APBA1: variants seen among roughly 807,000 people sequenced by gnomAD.
The protein encoded by APBA1 is amyloid-beta A4 precursor protein-binding family A member 1.
Under a neutral mutation model 86.6 loss-of-function variants are expected in APBA1, and 55 were observed. That is an observed-to-expected ratio of 0.64 (90% CI 0.51 to 0.80). The LOEUF (loss-of-function observed/expected upper bound fraction) is 0.80. Ranked by LOEUF, APBA1 falls within the 30% of genes least tolerant of loss-of-function variation. The pLI is 0.00. For synonymous variants in APBA1, 511 were observed against 493.9 expected, an observed-to-expected ratio of 1.03 and a Z score of -0.46; for missense variants, 1,090 against 1,183.0, an observed-to-expected ratio of 0.92 and a Z score of 1.15.
At chr9:69,451,790 C>G (rs1835014271) in intron 9 of APBA1, among the ~76,000 whole-genome samples, 1 of 152,176 alleles carries the variant, frequency 6.6e-6, no homozygotes. Context: ...CTGGCACCAT[C>G]ATTTAACTTT....
At chr9:69,542,789 A>T (rs183083500) in intron 1 of APBA1, among the ~76,000 whole-genome samples, 74 of 152,336 alleles carry the variant, frequency 4.9e-4, no homozygotes, top group African/African-American at 1.5e-3. Flanking sequence ...TGGGTGATAA[A>T]TGGTCACTGT....
At chr9:69,545,168 C>T (rs1836678225) in intron 1 of APBA1, among the ~76,000 whole-genome samples, 3 of 152,170 alleles carry the variant, frequency 2.0e-5, no homozygotes, top group African/African-American at 7.2e-5. Flanking sequence ...AACAAAACTA[C>T]CTTAGGAGTT....
At chr9:69,656,896 A>T (rs1230116865) in intron 1 of APBA1, among the ~76,000 whole-genome samples, 1 of 139,884 alleles carries the variant, frequency 7.1e-6, no homozygotes. Flanking sequence ...CGGACTGCGG[A>T]CTGCAGTGGC....
chr9:69,567,735 G>A (rs186653761), intron 1 of APBA1, among the ~76,000 whole-genome samples: 76 of 152,280 alleles, frequency 5.0e-4, no homozygotes, highest in African/African-American at 1.7e-3. Flanking sequence ...GTTTCCAGCA[G>A]AGCTCAGGCC....
chr9:69,474,713 G>T (rs1277608827), intron 3 of APBA1, among the ~76,000 whole-genome samples: 5 of 152,118 alleles, frequency 3.3e-5, no homozygotes, highest in African/African-American at 9.6e-5. Context: ...TTCTAATGTT[G>T]GTGTCATTTC....
At chr9:69,588,203 T>G (rs926652522) in intron 1 of APBA1, among the ~76,000 whole-genome samples, 3 of 151,944 alleles carry the variant, frequency 2.0e-5, no homozygotes, top group Non-Finnish European at 4.4e-5. Flanking sequence ...TCCCATTAGA[T>G]GAAATATCTA....
intron 1 of APBA1, among the ~76,000 whole-genome samples, chr9:69,599,158 C>T (rs10867828): frequency 0.55 from 83,559 of 152,054 alleles, 25,153 homozygotes; most frequent in East Asian, 0.85. Flanking sequence ...GATGGCTGCA[C>T]GACAATGTGA....
In APBA1 at chr9:69,652,670, G is replaced by T. The variant is rs569134099; in HGVS notation, c.-70+19483C>A. ...AATTAATTAAATTTTCCAATTAAAA[G>T]ACATAGAGTGGCTGAATGGATTTCA... On this transcript the variant is annotated intron_variant, in intron 1 of 12. Transcript: ENST00000265381. Among the ~76,000 whole-genome samples the T allele has an allele frequency of 1.2e-4, 19 of 152,244 alleles. No individual in the cohort carries two copies. In the East Asian group the frequency reaches 3.7e-3, roughly 29 times the overall value.
At chr9:69,590,719 G>C (rs1294332404) in intron 1 of APBA1, among the ~76,000 whole-genome samples, 2 of 152,162 alleles carry the variant, frequency 1.3e-5, no homozygotes, top group African/African-American at 4.8e-5. Flanking sequence ...AATTGTGTCA[G>C]TCTTTTTCTG....
intron 1 of APBA1, among the ~76,000 whole-genome samples, chr9:69,574,862 T>A (rs1200592030): frequency 6.6e-6 from 1 of 152,178 alleles, no homozygotes; most frequent in African/African-American, 2.4e-5. Context: ...ACAGGGAGAC[T>A]ATGAAATGCC....
chr9:69,656,352 T>C (rs1002980157), intron 1 of APBA1, among the ~76,000 whole-genome samples: 2 of 152,172 alleles, frequency 1.3e-5, no homozygotes, highest in Non-Finnish European at 2.9e-5. Flanking sequence ...AACCCTAATG[T>C]CCTTCAACAA....
intron 1 of APBA1, among the ~76,000 whole-genome samples, chr9:69,628,669 C>A (rs1822980709): frequency 6.6e-6 from 1 of 152,120 alleles, no homozygotes; most frequent in Non-Finnish European, 1.5e-5. Context: ...ACTTCTTAAG[C>A]AGATAATGAA....
At chr9:69,568,382 C>T (rs377360214) in intron 1 of APBA1, among the ~76,000 whole-genome samples, 130 of 152,324 alleles carry the variant, frequency 8.5e-4, no homozygotes, top group African/African-American at 3.1e-3. Context: ...AGGCATTCTA[C>T]ATTTTATGAC....
chr9:69,546,139 A>G (rs1836693814), intron 1 of APBA1, among the ~76,000 whole-genome samples: 1 of 152,180 alleles, frequency 6.6e-6, no homozygotes, highest in East Asian at 1.9e-4. Flanking sequence ...TGTCATTTGT[A>G]TTTGGGGGGT....
intron 1 of APBA1, among the ~76,000 whole-genome samples, chr9:69,554,793 A>T (rs1256216285): frequency 2.4e-4 from 7 of 29,692 alleles, no homozygotes; most frequent in Non-Finnish European, 5.6e-4. Context: ...TTTTAGGGTA[A>T]AAAAAAAACA....
upstream of APBA1, chr9:69,672,662 T>A (rs1823981245): frequency 6.6e-6 from 1 of 151,484 alleles, no homozygotes; most frequent in South Asian, 2.1e-4. Context: ...TCGCCTTCCC[T>A]CGCGTCCGGG....
At chr9:69,597,985 G>A (rs552353059) in intron 1 of APBA1, among the ~76,000 whole-genome samples, 41 of 151,754 alleles carry the variant, frequency 2.7e-4, no homozygotes, top group African/African-American at 8.5e-4. Flanking sequence ...ACATGCACAC[G>A]TATGTTTATT....
Position 69,503,209 on chromosome 9 carries a change from T to A in APBA1, c.1200+12802A>T, listed in dbSNP as rs991904647. Among the ~76,000 whole-genome samples the A allele has an allele frequency of 4.6e-5, 7 of 152,104 alleles. No homozygotes were observed. The South Asian group carries it at 8.3e-4, about 18-fold the overall frequency. ...GATGGTTCCTTTGGTCAGTGAGTCA[T>A]CTCTAAAGGATTCCTACTCTTGCAT... On this transcript the variant is annotated intron_variant, in intron 2 of 12. Transcript: ENST00000265381.
chr9:69,587,899 G>A (rs1224915450), intron 1 of APBA1, among the ~76,000 whole-genome samples: 3 of 151,890 alleles, frequency 2.0e-5, no homozygotes, highest in African/African-American at 7.3e-5. Context: ...GGTGTTGGGT[G>A]CCTGTAATCT....
Sources: allele counts gnomAD v4.1 joint callset (sites outside exome capture counted in the v4.1 genomes callset), GRCh38; gene constraint gnomAD v4.1.1; transcripts MANE v1.5; gene names NCBI Gene and HGNC (gene_info 2026-07-23, HGNC 2026-07-21).